Variants in TTC34 observed in about 807,000 individuals in gnomAD.
TTC34 encodes tetratricopeptide repeat domain 34, also known as tetratricopeptide repeat protein 34.
Under a neutral mutation model 40.7 loss-of-function variants are expected in TTC34, and 44 were observed. The observed-to-expected ratio is 1.08, with a 90% confidence interval of 0.85 to 1.39. TTC34 has a LOEUF of 1.39. TTC34 is among the 40% of genes most tolerant of loss of function. TTC34 has a pLI of 0.00. For synonymous variants in TTC34, 422 were observed against 398.6 expected (o/e 1.06, Z -0.70); for missense variants, 884 against 838.0 (o/e 1.05, Z -0.68).
intron 6 of TTC34, among the ~76,000 whole-genome samples, chr1:2,761,080 T>A (rs1293730831): frequency 3.6e-5 from 2 of 56,182 alleles, no homozygotes; most frequent in Admixed American, 1.7e-4. Context: ...AGCAGCATCC[T>A]CACCCCAGGT....
intron 8 of TTC34, among the ~76,000 whole-genome samples, 156 bp downstream of exon 8, chr1:2,644,108 G>T (rs1268913372): frequency 1.3e-5 from 2 of 152,232 alleles, no homozygotes; most frequent in Non-Finnish European, 2.9e-5. Flanking sequence ...GTCTTCCTGG[G>T]CCAGAAGTGG....
chr1:2,697,603 CA>C (rs1640926236), intron 6 of TTC34, among the ~76,000 whole-genome samples: 1,977 of 67,574 alleles, frequency 0.029, 1 homozygote, highest in Admixed American at 0.043. Context: ...ACAGCTCCCA[CA>C]ACCCCAGGTG....
At chr1:2,687,681 G>C (rs1158844601) in intron 6 of TTC34, among the ~76,000 whole-genome samples, 218 of 61,106 alleles carry the variant, frequency 3.6e-3, no homozygotes, top group African/African-American at 5.2e-3. Flanking sequence ...GGAGCAGCAC[G>C]CACACCCCCA....
chr1:2,793,351 G>C (rs963793280), intron 2 of TTC34, among the ~76,000 whole-genome samples: 9 of 151,850 alleles, frequency 5.9e-5, no homozygotes, highest in Non-Finnish European at 1.0e-4. Context: ...TTTTCTTATT[G>C]ATATGTAGGA....
intron 1 of TTC34, among the ~76,000 whole-genome samples, 174 bp downstream of exon 1, chr1:2,801,403 A>G (rs1254135432): frequency 1.3e-5 from 2 of 151,814 alleles, no homozygotes; most frequent in African/African-American, 4.8e-5. Flanking sequence ...ACCCCAGCCC[A>G]TGGGTGGGGG....
intron 6 of TTC34, among the ~76,000 whole-genome samples, chr1:2,753,458 CCCAGGTGTG>C (rs1641394903): frequency 1.0e-5 from 1 of 95,238 alleles, no homozygotes; most frequent in Non-Finnish European, 2.0e-5. Context: ...AGCCTGCACC[CCCAGGTGTG>C]CACGTGACAG....
In TTC34 at chr1:2,751,120, C is replaced by A. The variant is rs1179470448; in HGVS notation, c.2226+32489G>T. Among the ~76,000 whole-genome samples the A allele has an allele frequency of 2.7e-4, 25 of 92,924 alleles. 4 individuals carry two copies. Among genetic ancestry groups the A allele is most frequent in the Non-Finnish European group, 1.2e-4 (6 of 49,410 alleles). 61.0% of individuals were successfully genotyped at this position (92,924 alleles called of 152,430 possible). A position where few individuals can be genotyped will look rare whatever the true frequency, so the allele number is the denominator to read the frequency against. Reference sequence around the variant, plus strand: ...GAGCCTCTGACAGCCTGGAACAGCACCCTGTACCCCCAGGGGAGCATCTGA... The same window carrying A: ...GAGCCTCTGACAGCCTGGAACAGCAACCTGTACCCCCAGGGGAGCATCTGA... On this transcript the variant is annotated intron_variant, in intron 6 of 8. Coordinates refer to ENST00000401095, the Ensembl canonical transcript of TTC34.
exon 6 of TTC34, chr1:2,783,687 T>G: frequency 6.5e-7 from 1 of 1,543,696 alleles, no homozygotes; most frequent in Non-Finnish European, 8.8e-7. Flanking sequence ...CCCGCAGCAC[T>G]GTGTTGAAGT....
chr1:2,800,565 G>A (rs1643760921), exon 2 of TTC34: 2 of 398,226 alleles, frequency 5.0e-6, no homozygotes, highest in East Asian at 3.6e-5. Flanking sequence ...AGAGGCCAGC[G>A]ACCCTGTCAG....
intron 6 of TTC34, among the ~76,000 whole-genome samples, chr1:2,685,885 G>C (rs1640314895): frequency 6.6e-6 from 1 of 150,530 alleles, no homozygotes; most frequent in Non-Finnish European, 1.5e-5. Flanking sequence ...TGCACCCCCA[G>C]GTGAGCATCT....
At chr1:2,784,920 G>C (rs1273343944) in intron 5 of TTC34, among the ~76,000 whole-genome samples, 1 of 152,078 alleles carries the variant, frequency 6.6e-6, no homozygotes, top group Non-Finnish European at 1.5e-5. Flanking sequence ...TGCCCCTTCT[G>C]GGTGTTGTTC....
At chr1:2,756,105 C>T (rs1444442095) in intron 6 of TTC34, among the ~76,000 whole-genome samples, 1 of 70,592 alleles carries the variant, frequency 1.4e-5, no homozygotes, top group African/African-American at 1.1e-4. Context: ...GCACCCTGCA[C>T]CCCCAGGAGA....
intron 6 of TTC34, among the ~76,000 whole-genome samples, chr1:2,674,374 T>C: frequency 3.7e-5 from 1 of 27,026 alleles, no homozygotes; most frequent in Non-Finnish European, 7.3e-5. Context: ...GGTGTGCCTC[T>C]GACAGCTTGG....
intron 6 of TTC34, among the ~76,000 whole-genome samples, chr1:2,687,978 C>A (rs1160702103): frequency 2.0e-5 from 3 of 147,398 alleles, no homozygotes; most frequent in Admixed American, 2.0e-4. Context: ...CCCAGGAGAG[C>A]ATCTGACAGC....
chr1:2,687,526 C>T (rs576104487), intron 6 of TTC34, among the ~76,000 whole-genome samples: 4 of 146,514 alleles, frequency 2.7e-5, no homozygotes, highest in African/African-American at 5.4e-5. Flanking sequence ...GCACCCACAC[C>T]CCCAGGTGAG....
At chr1:2,653,199 A>G (rs1000612227) in intron 6 of TTC34, among the ~76,000 whole-genome samples, 8 of 131,856 alleles carry the variant, frequency 6.1e-5, no homozygotes, top group African/African-American at 2.3e-4. Flanking sequence ...CTGGAACAGA[A>G]CCCACACCCC....
chr1:2,647,302 G>A (rs982213822), intron 6 of TTC34, among the ~76,000 whole-genome samples: 10 of 152,080 alleles, frequency 6.6e-5, no homozygotes, highest in South Asian at 2.1e-4. Flanking sequence ...GTCACTGAAG[G>A]TTTCTTCATT....
chr1:2,798,959 C>G (rs1643743081), intron 2 of TTC34, among the ~76,000 whole-genome samples: 1 of 139,622 alleles, frequency 7.2e-6, no homozygotes, highest in East Asian at 2.2e-4. Context: ...GCCTCCAAGC[C>G]TGCCAGCCTC....
At chr1:2,677,630 A>G (rs1639957585) in intron 6 of TTC34, among the ~76,000 whole-genome samples, 1 of 150,216 alleles carries the variant, frequency 6.7e-6, no homozygotes, top group Non-Finnish European at 1.5e-5. Context: ...AGCATCTGAC[A>G]GCCTGGAACA....
Sources: gnomAD v4.1 joint callset for allele counts (sites outside exome capture counted in the v4.1 genomes callset) on GRCh38, gnomAD v4.1.1 for gene constraint, MANE v1.5 for transcripts, NCBI Gene and HGNC (gene_info 2026-07-23, HGNC 2026-07-21) for gene names.